The following NCK2 variants were observed in gnomAD, a reference collection of about 807,000 sequenced individuals.
NCK2 encodes the protein NCK adaptor protein 2, also known as cytoplasmic protein NCK2.
NCK2 carries 16 observed loss-of-function variants against 33.9 expected under a neutral mutation model. The ratio of observed to expected loss-of-function variants is 0.47; its 90% CI spans 0.32 to 0.72. NCK2 has a LOEUF of 0.72. Ranked by LOEUF, NCK2 falls within the 30% of genes least tolerant of loss-of-function variation. The probability of loss-of-function intolerance (pLI) is 0.03; values close to 1 mark genes in which losing one functional copy is unlikely to be tolerated. For synonymous variants in NCK2, 273 were observed against 239.9 expected (o/e 1.14, Z -1.27); for missense variants, 418 against 537.3 (o/e 0.78, Z 2.19).
intron 1 of NCK2, among the ~76,000 whole-genome samples, chr2:105,805,145 A>G (rs1370748832): frequency 2.6e-5 from 4 of 152,188 alleles, no homozygotes; most frequent in Non-Finnish European, 5.9e-5. Context: ...AGTGCTTTTT[A>G]TGGGCACGGA....
intron 2 of NCK2, chr2:105,846,538 T>G (rs1676861410): frequency 6.6e-6 from 1 of 152,118 alleles, no homozygotes; most frequent in African/African-American, 2.4e-5. Context: ...ATGATCAGTA[T>G]AAAATTTTTC....
At chr2:105,776,774 C>T (rs865934582) in intron 1 of NCK2, among the ~76,000 whole-genome samples, 1 of 152,170 alleles carries the variant, frequency 6.6e-6, no homozygotes, top group African/African-American at 2.4e-5. Context: ...AGCAGTCGGA[C>T]CACACGTGAC....
chr2:105,824,568 A>T (rs1464611634), intron 2 of NCK2, among the ~76,000 whole-genome samples: 2 of 152,018 alleles, frequency 1.3e-5, no homozygotes, highest in African/African-American at 4.8e-5. Flanking sequence ...CTGAGAGCTC[A>T]TTTAGTAACG....
At chr2:105,883,430 A>G (rs528949708) in intron 4 of NCK2, among the ~76,000 whole-genome samples, 1 of 152,338 alleles carries the variant, frequency 6.6e-6, no homozygotes, top group East Asian at 1.9e-4. Flanking sequence ...TGCACAAAAT[A>G]TGATCTTGGC....
chr2:105,789,312 T>TA (rs972324081), intron 1 of NCK2, among the ~76,000 whole-genome samples: 56 of 152,238 alleles, frequency 3.7e-4, no homozygotes, highest in African/African-American at 1.3e-3. Context: ...CTCAGCCTCC[T>TA]GAGTAGCTGG....
intron 1 of NCK2, among the ~76,000 whole-genome samples, chr2:105,785,281 G>A (rs1038741186): frequency 1.3e-5 from 2 of 152,092 alleles, no homozygotes; most frequent in Non-Finnish European, 2.9e-5. Flanking sequence ...GGTTCTTTAC[G>A]GTGTCACTGG....
At chr2:105,757,375 A>G (rs907900568) in intron 1 of NCK2, among the ~76,000 whole-genome samples, 2 of 152,058 alleles carry the variant, frequency 1.3e-5, no homozygotes, top group Admixed American at 6.5e-5. Flanking sequence ...TTTTTCTTCA[A>G]AGTGGCATGG....
rs150686079 is a variant in NCK2 at position 105,750,229 on chromosome 2, T to C, written c.-201+5091T>C. On this transcript the variant is annotated intron_variant, in intron 1 of 4. Coordinates refer to ENST00000233154, the MANE Select transcript of NCK2 (RefSeq NM_003581.5). ...GTCCTCACTCACGTAGCCTTCCTTC[T>C]GTGAGTGCACTGAGAGAGAGGTCTG... Among the ~76,000 whole-genome samples the C allele has an allele frequency of 4.9e-4, 74 of 152,298 alleles. No homozygotes were observed. In the East Asian group the frequency reaches 0.011, roughly 23 times the overall value.
chr2:105,872,283 C>G (rs986345805), intron 3 of NCK2, among the ~76,000 whole-genome samples: 2 of 152,194 alleles, frequency 1.3e-5, no homozygotes, highest in Non-Finnish European at 2.9e-5. Flanking sequence ...TACCTTCCCC[C>G]CGCCACCAGG....
chr2:105,839,566 G>A (rs1391835154), intron 2 of NCK2, among the ~76,000 whole-genome samples: 1 of 152,204 alleles, frequency 6.6e-6, no homozygotes, highest in Non-Finnish European at 1.5e-5. Context: ...CAGACTGCGG[G>A]AGGCACAGGA....
chr2:105,817,069 G>A (rs1379046708), intron 2 of NCK2, among the ~76,000 whole-genome samples: 7 of 151,868 alleles, frequency 4.6e-5, no homozygotes, highest in African/African-American at 1.7e-4. Context: ...TCAGCTATTC[G>A]GGAGGCTGAG....
At chr2:105,843,567 G>A (rs1167216145) in intron 2 of NCK2, among the ~76,000 whole-genome samples, 1 of 152,180 alleles carries the variant, frequency 6.6e-6, no homozygotes, top group Non-Finnish European at 1.5e-5. Flanking sequence ...AGAAAGTAAG[G>A]ATGTGCTCAA....
At chr2:105,871,982 C>A (rs1678032401) in intron 3 of NCK2, among the ~76,000 whole-genome samples, 1 of 152,138 alleles carries the variant, frequency 6.6e-6, no homozygotes, top group Non-Finnish European at 1.5e-5. Flanking sequence ...CCAAAAGGGA[C>A]ATGGAAGACT....
intron 2 of NCK2, among the ~76,000 whole-genome samples, chr2:105,843,384 T>G: frequency 1.5e-5 from 2 of 131,276 alleles, no homozygotes; most frequent in African/African-American, 2.7e-5. Flanking sequence ...TTCTGTACTG[T>G]GGTCCCATAA....
intron 3 of NCK2, among the ~76,000 whole-genome samples, chr2:105,875,408 C>G (rs2104642591): frequency 6.6e-6 from 1 of 152,346 alleles, no homozygotes; most frequent in South Asian, 2.1e-4. Flanking sequence ...AATCCTGGGA[C>G]TCATTTCCCA....
At chr2:105,852,981 C>T (rs913744565) in intron 2 of NCK2, among the ~76,000 whole-genome samples, 6 of 151,936 alleles carry the variant, frequency 3.9e-5, no homozygotes, top group African/African-American at 7.3e-5. Flanking sequence ...ATGAAAGAAA[C>T]GTGTATTATT....
At chr2:105,777,985 T>C (rs1264294459) in intron 1 of NCK2, among the ~76,000 whole-genome samples, 1 of 152,218 alleles carries the variant, frequency 6.6e-6, no homozygotes, top group Non-Finnish European at 1.5e-5. Flanking sequence ...ACCTGGACTT[T>C]GTGAGTCTCT....
chr2:105,778,327 A>C (rs1418487195), intron 1 of NCK2, among the ~76,000 whole-genome samples: 1 of 152,186 alleles, frequency 6.6e-6, no homozygotes, highest in African/African-American at 2.4e-5. Context: ...TGGAGCCTTC[A>C]GGATCTGTTC....
intron 1 of NCK2, among the ~76,000 whole-genome samples, chr2:105,805,441 T>G (rs917840638): frequency 6.6e-6 from 1 of 152,274 alleles, no homozygotes; most frequent in Non-Finnish European, 1.5e-5. Flanking sequence ...AAATTTCTAT[T>G]TAATTGGAAT....
Sources: allele counts gnomAD v4.1 joint callset (sites outside exome capture counted in the v4.1 genomes callset), GRCh38; gene constraint gnomAD v4.1.1; transcripts MANE v1.5; gene names NCBI Gene and HGNC (gene_info 2026-07-23, HGNC 2026-07-21).